MIPEP: variants seen among roughly 807,000 people sequenced by gnomAD.
MIPEP encodes the protein mitochondrial intermediate peptidase.
MIPEP carries 79 observed loss-of-function variants against 90.3 expected under a neutral mutation model. That is an observed-to-expected ratio of 0.87 (90% CI 0.73 to 1.05). MIPEP has a LOEUF of 1.05. Among genes scored for constraint, MIPEP ranks in the 50% least tolerant of loss-of-function variants. The pLI, the probability that MIPEP is intolerant of heterozygous loss-of-function variation, is 0.00. For missense variants in MIPEP, 940 were observed against 905.6 expected (o/e 1.04, Z -0.49); for synonymous variants, 334 against 315.8 (o/e 1.06, Z -0.61).
intron 12 of MIPEP, among the ~76,000 whole-genome samples, chr13:23,838,234 C>T (rs1288107076): frequency 1.3e-5 from 2 of 152,102 alleles, no homozygotes; most frequent in Non-Finnish European, 2.9e-5. Context: ...GCCTGGACCT[C>T]CTGGGCTCAA....
At chr13:23,871,031 A>AG (rs1009346480) in intron 5 of MIPEP, among the ~76,000 whole-genome samples, 4 of 149,328 alleles carry the variant, frequency 2.7e-5, no homozygotes, top group Non-Finnish European at 6.1e-5. Context: ...ACCCTGTCTC[A>AG]GGGGGGAATA....
intron 9 of MIPEP, 132 bp from the exon 10 acceptor site, chr13:23,859,044 A>G (rs535174309): frequency 9.5e-6 from 7 of 738,262 alleles, no homozygotes; most frequent in Non-Finnish European, 1.6e-5. Context: ...AGAATCCCTT[A>G]AAAAATTGAT....
chr13:23,855,528 G>A (rs1327743214), intron 10 of MIPEP, among the ~76,000 whole-genome samples: 1 of 152,076 alleles, frequency 6.6e-6, no homozygotes, highest in Non-Finnish European at 1.5e-5. Context: ...TACTTGAAAG[G>A]TGATGAATTT....
chr13:23,771,530 TACACACACACACAC>T (rs3077653), intron 16 of MIPEP, among the ~76,000 whole-genome samples: 70 of 146,088 alleles, frequency 4.8e-4, no homozygotes, highest in Non-Finnish European at 7.4e-4. Flanking sequence ...ATTTGCTGAC[TACACACACACACAC>T]ACACACACAC....
chr13:23,803,743 T>G (rs969669188), intron 16 of MIPEP, among the ~76,000 whole-genome samples: 4 of 152,218 alleles, frequency 2.6e-5, no homozygotes, highest in African/African-American at 9.6e-5. Flanking sequence ...TCCACCAACT[T>G]GATGTCGGGA....
At chr13:23,754,709 G>A (rs963031663) in intron 18 of MIPEP, among the ~76,000 whole-genome samples, 1 of 152,156 alleles carries the variant, frequency 6.6e-6, no homozygotes, top group African/African-American at 2.4e-5. Context: ...AGCATGGCCT[G>A]GGAAAGGATG....
At chr13:23,744,149 C>T (rs1952360379) in intron 18 of MIPEP, among the ~76,000 whole-genome samples, 2 of 152,168 alleles carry the variant, frequency 1.3e-5, no homozygotes, top group Non-Finnish European at 2.9e-5. Context: ...TGCGTTCATG[C>T]CTTTACATTC....
At chr13:23,732,395 C>G (rs1407228777) in intron 18 of MIPEP, among the ~76,000 whole-genome samples, 1 of 151,888 alleles carries the variant, frequency 6.6e-6, no homozygotes, top group African/African-American at 2.4e-5. Flanking sequence ...TCTTACGAAA[C>G]TAAACATAGA....
intron 14 of MIPEP, among the ~76,000 whole-genome samples, chr13:23,811,522 C>T (rs1331610369): frequency 1.3e-5 from 2 of 152,150 alleles, no homozygotes; most frequent in Admixed American, 6.5e-5. Context: ...ATGGTAGGGG[C>T]CTGGACTTTG....
chr13:23,790,594 GA>G lies in MIPEP; in HGVS notation c.1848+15355del, dbSNP rs202205769. 7.6e-3 allele frequency among the ~76,000 whole-genome samples: 1,139 copies of G among 149,060 alleles called. 73 individuals are homozygous for G. The East Asian group carries it at 0.15, about 20-fold the overall frequency. On this transcript the variant is annotated intron_variant, in intron 16 of 18. Coordinates refer to ENST00000382172, the MANE Select transcript of MIPEP (RefSeq NM_005932.4). ...GAAAAGCAAGAAGTAGAAGGAGGGGGAGGCAATGTGATGAGGGAAGCAGAGA... is the reference window on the plus strand; with the variant it reads ...GAAAAGCAAGAAGTAGAAGGAGGGGGGGCAATGTGATGAGGGAAGCAGAGA...
At chr13:23,879,504 CCTT>C in intron 3 of MIPEP, 150 bp from the exon 4 acceptor site, 1 of 558,032 alleles carries the variant, frequency 1.8e-6, no homozygotes, top group Admixed American at 3.4e-5. Context: ...ATCCTTCCTT[CCTT>C]CTTTCCTTCC....
intron 18 of MIPEP, among the ~76,000 whole-genome samples, chr13:23,745,074 G>A (rs773786758): frequency 6.6e-6 from 1 of 152,186 alleles, no homozygotes; most frequent in Non-Finnish European, 1.5e-5. Flanking sequence ...AATGGAAAGA[G>A]AGTAAAGAAA....
intron 14 of MIPEP, among the ~76,000 whole-genome samples, chr13:23,827,261 T>A (rs1427983156): frequency 6.6e-6 from 1 of 152,176 alleles, no homozygotes; most frequent in Non-Finnish European, 1.5e-5. Flanking sequence ...AAGGATACAA[T>A]TATAGCAGAA....
intron 16 of MIPEP, among the ~76,000 whole-genome samples, chr13:23,774,463 A>G (rs912414153): frequency 1.3e-5 from 2 of 152,218 alleles, no homozygotes; most frequent in African/African-American, 4.8e-5. Context: ...AGGTTTTGAT[A>G]GAGATTGTGT....
chr13:23,850,663 C>T (rs1251875358), intron 10 of MIPEP, among the ~76,000 whole-genome samples: 1 of 152,158 alleles, frequency 6.6e-6, no homozygotes, highest in East Asian at 1.9e-4. Flanking sequence ...GAGATGACAC[C>T]ACACCAATGT....
At chr13:23,808,095 GT>G (rs912252225) in intron 15 of MIPEP, among the ~76,000 whole-genome samples, 12 of 146,338 alleles carry the variant, frequency 8.2e-5, no homozygotes, top group Admixed American at 1.4e-4. Flanking sequence ...TAAAAACAGT[GT>G]TTTTTTTTTG....
intron 14 of MIPEP, among the ~76,000 whole-genome samples, chr13:23,811,153 C>G (rs1484233679): frequency 6.6e-6 from 1 of 152,170 alleles, no homozygotes; most frequent in African/African-American, 2.4e-5. Context: ...TCAAAATGTT[C>G]ACGTTTCTTT....
At chr13:23,864,074 T>C (rs1208633533) in intron 8 of MIPEP, 67 bp downstream of exon 8, 1 of 920,738 alleles carries the variant, frequency 1.1e-6, no homozygotes, top group Non-Finnish European at 1.6e-6. Context: ...TTTTTATAAA[T>C]CAAGTCTTCT....
chr13:23,798,064 C>T (rs1479984873), intron 16 of MIPEP, among the ~76,000 whole-genome samples: 1 of 152,158 alleles, frequency 6.6e-6, no homozygotes, highest in Non-Finnish European at 1.5e-5. Flanking sequence ...TGTGGTAGCA[C>T]GTAGTAGGCA....
Sources: allele counts gnomAD v4.1 joint callset (sites outside exome capture counted in the v4.1 genomes callset), GRCh38; gene constraint gnomAD v4.1.1; transcripts MANE v1.5; gene names NCBI Gene and HGNC (gene_info 2026-07-23, HGNC 2026-07-21).